The following CLNK variants were observed in gnomAD, a reference collection of about 807,000 sequenced individuals.
CLNK encodes cytokine-dependent hematopoietic cell linker.
A neutral mutation model predicts 68.6 loss-of-function variants in CLNK; 74 were observed. That is an observed-to-expected ratio of 1.08 (90% CI 0.89 to 1.31). The LOEUF is 1.31. Among genes scored for constraint, CLNK ranks in the 50% most tolerant of loss-of-function variants. CLNK has a pLI of 0.00. For synonymous variants in CLNK, 198 were observed against 172.2 expected, an observed-to-expected ratio of 1.15 and a Z score of -1.17; for missense variants, 553 against 515.3, an observed-to-expected ratio of 1.07 and a Z score of -0.71.
At chr4:10,713,965 A>T in the CLNK span, among the ~76,000 whole-genome samples, 1 of 152,222 alleles carries the variant, frequency 6.6e-6, no homozygotes, top group Non-Finnish European at 1.5e-5. Context: ...GAAGCTGCCA[A>T]ATCTGGGCAG....
In CLNK at chr4:10,489,115, C is replaced by T. The variant is rs1245184672; in HGVS notation, c.*1352G>A. ...TCAACTTGATTGTAAAATGTCACAG[C>T]GCAGAGAATGTACCTGGGAAGATGA... On this transcript the variant is annotated 3_prime_UTR_variant, in exon 19 of 19. Transcript: ENST00000226951. 1.3e-5 allele frequency: 2 copies of T among 151,926 alleles called. No individual in the cohort carries two copies. Among genetic ancestry groups the T allele is most frequent in the East Asian group, 1.9e-4 (1 of 5,176 alleles). The allele number at this position is 151,926 out of a possible 1,614,324, so 9.4% of individuals were successfully genotyped here. A position where few individuals can be genotyped will look rare whatever the true frequency, so the allele number is the denominator to read the frequency against.
chr4:10,667,724 ACCAT>A, intron 2 of CLNK, 131 bp downstream of exon 2: 2 of 293,010 alleles, frequency 6.8e-6, no homozygotes, highest in Non-Finnish European at 1.1e-5. Flanking sequence ...CACAATCTCA[ACCAT>A]GGCCTCTCAG....
chr4:10,487,953 G>C lies in CLNK; in HGVS notation c.*2514C>G, dbSNP rs1716423209. The stretch of plus-strand genomic sequence containing the variant: ...GTGTTTGCACTTCTAACTTTGTCCT[G>C]GTGTCTGAGTTCTAGAAAACCCGAC... On this transcript the variant is annotated 3_prime_UTR_variant, in exon 19 of 19. Transcript: ENST00000226951. 6.6e-6 allele frequency: 1 copy of C among 151,932 alleles called. No homozygotes were observed. Among genetic ancestry groups the C allele is most frequent in the Non-Finnish European group, 1.5e-5 (1 of 68,014 alleles). The allele number at this position is 151,932 out of a possible 1,614,324, so 9.4% of individuals were successfully genotyped here. A position where few individuals can be genotyped will look rare whatever the true frequency, so the allele number is the denominator to read the frequency against.
At chr4:10,700,248 A>G in the CLNK span, among the ~76,000 whole-genome samples, 2 of 152,208 alleles carry the variant, frequency 1.3e-5, no homozygotes, top group African/African-American at 2.4e-5. Flanking sequence ...AGTACATCCA[A>G]TATTAGAATT....
chr4:10,554,661 G>A (rs574046778), intron 8 of CLNK, among the ~76,000 whole-genome samples: 14 of 152,240 alleles, frequency 9.2e-5, no homozygotes, highest in Admixed American at 7.9e-4. Flanking sequence ...ATGGGTTGTG[G>A]CTGAAACACA....
intron 7 of CLNK, among the ~76,000 whole-genome samples, chr4:10,561,400 G>GATATGAAGGA (rs1467955010): frequency 1.3e-5 from 2 of 152,140 alleles, no homozygotes; most frequent in Non-Finnish European, 2.9e-5. Context: ...CTACAAAGAT[G>GATATGAAGGA]ATATGAAGGA....
intron 1 of CLNK, among the ~76,000 whole-genome samples, chr4:10,677,569 G>T (rs1451666789): frequency 6.6e-6 from 1 of 152,002 alleles, no homozygotes; most frequent in Non-Finnish European, 1.5e-5. Context: ...CATGGGGGTG[G>T]TTTCCCCCAT....
At chr4:10,672,285 C>T (rs1463735190) in intron 1 of CLNK, among the ~76,000 whole-genome samples, 1 of 152,134 alleles carries the variant, frequency 6.6e-6, no homozygotes, top group Non-Finnish European at 1.5e-5. Context: ...CTCACTTTTG[C>T]GTTCTCTGGA....
chr4:10,671,463 A>C (rs1357519861), intron 1 of CLNK, among the ~76,000 whole-genome samples: 1 of 152,190 alleles, frequency 6.6e-6, no homozygotes, highest in African/African-American at 2.4e-5. Flanking sequence ...AAGTGTCATC[A>C]GCAAGACAGA....
rs949128241 is a variant in CLNK, at chr4:10,630,328, A to T, written c.12-32279T>A. Among the ~76,000 whole-genome samples, 4 of 152,334 alleles carry T rather than the reference A, an allele frequency of 2.6e-5. No homozygotes were observed. In the East Asian group the frequency reaches 7.7e-4, roughly 29 times the overall value. On this transcript the variant is annotated intron_variant, in intron 2 of 18. Coordinates refer to ENST00000226951, the MANE Select transcript of CLNK (RefSeq NM_052964.4). ...TGGACTCTGTGACCATTCTGAAGATAAGCTCTTGTCACCCTCCTCATGGAA... is the reference window on the plus strand; with the variant it reads ...TGGACTCTGTGACCATTCTGAAGATTAGCTCTTGTCACCCTCCTCATGGAA...
At chr4:10,580,800 T>C (rs773867984) in intron 4 of CLNK, among the ~76,000 whole-genome samples, 10 of 152,210 alleles carry the variant, frequency 6.6e-5, no homozygotes, top group Non-Finnish European at 1.5e-4. Flanking sequence ...TAAACATTTA[T>C]AATTGTAAAA....
rs1716503731 is a variant in CLNK, at chr4:10,490,096, C to T, written c.*371G>A. On this transcript the variant is annotated 3_prime_UTR_variant, in exon 19 of 19. Coordinates refer to ENST00000226951, the MANE Select transcript of CLNK (RefSeq NM_052964.4). ...TTCCCATAGACTTGTCTTGCACTGA[C>T]TGCAAACATTTAAGCAACAGCTTCT... 5.2e-6 allele frequency: 1 copy of T among 191,888 alleles called. No homozygotes were observed. Among genetic ancestry groups the T allele is most frequent in the Admixed American group, 5.5e-5 (1 of 18,062 alleles). The allele number at this position is 191,888 out of a possible 1,614,324, so 11.9% of individuals were successfully genotyped here.
intron 2 of CLNK, among the ~76,000 whole-genome samples, chr4:10,618,074 C>A (rs531433535): frequency 6.6e-6 from 1 of 152,076 alleles, no homozygotes; most frequent in African/African-American, 2.4e-5. Context: ...GACTTACACA[C>A]GAACATTCTT....
At chr4:10,541,024 G>A (rs1718993934) in intron 10 of CLNK, among the ~76,000 whole-genome samples, 2 of 152,066 alleles carry the variant, frequency 1.3e-5, no homozygotes, top group South Asian at 4.2e-4. Context: ...AGACCAGCCT[G>A]GCCAACATGG....
At chr4:10,653,918 G>A (rs534074869) in intron 2 of CLNK, among the ~76,000 whole-genome samples, 109 of 152,230 alleles carry the variant, frequency 7.2e-4, no homozygotes, top group Admixed American at 2.7e-3. Context: ...TTACTCATGA[G>A]GGAATAGTAA....
At chr4:10,525,545 A>G (rs975868993) in intron 14 of CLNK, among the ~76,000 whole-genome samples, 1 of 152,190 alleles carries the variant, frequency 6.6e-6, no homozygotes, top group Non-Finnish European at 1.5e-5. Context: ...GAAACAACAA[A>G]CTTTTCCTCC....
At chr4:10,548,756 G>A (rs1173503183) in intron 8 of CLNK, among the ~76,000 whole-genome samples, 1 of 152,150 alleles carries the variant, frequency 6.6e-6, no homozygotes, top group African/African-American at 2.4e-5. Flanking sequence ...TTAATATCTA[G>A]TCTCTCCACT....
At chr4:10,493,019 G>T (rs1439622345) in intron 18 of CLNK, among the ~76,000 whole-genome samples, 1 of 152,048 alleles carries the variant, frequency 6.6e-6, no homozygotes, top group South Asian at 2.1e-4. Flanking sequence ...AGTGTGTTCA[G>T]CCTGTTAAAA....
intron 14 of CLNK, among the ~76,000 whole-genome samples, chr4:10,522,388 A>G (rs898531405): frequency 1.3e-5 from 2 of 151,790 alleles, no homozygotes; most frequent in African/African-American, 4.8e-5. Context: ...AGCCTTGATA[A>G]CATGGTGAAA....
Sources: gnomAD v4.1 joint callset for allele counts (sites outside exome capture counted in the v4.1 genomes callset) on GRCh38, gnomAD v4.1.1 for gene constraint, MANE v1.5 for transcripts, NCBI Gene and HGNC (gene_info 2026-07-23, HGNC 2026-07-21) for gene names.